DONSON: variants seen among roughly 807,000 people sequenced by gnomAD.
DONSON encodes DNA replication fork stabilization factor DONSON, also known as protein downstream neighbor of Son.
DONSON carries 43 observed loss-of-function variants against 62.1 expected under a neutral mutation model. That is an observed-to-expected ratio of 0.69 (90% CI 0.54 to 0.89). DONSON has a LOEUF of 0.89. DONSON is among the 40% of genes least tolerant of loss of function. The probability of loss-of-function intolerance (pLI) is 0.00; values close to 1 mark genes in which losing one functional copy is unlikely to be tolerated. For missense variants in DONSON, 696 were observed against 697.5 expected (o/e 1.00, Z 0.03); for synonymous variants, 266 against 264.6 (o/e 1.01, Z -0.05).
chr21:33,587,291 A>G (rs2086588406), intron 2 of DONSON: 1 of 918,620 alleles, frequency 1.1e-6, no homozygotes, highest in African/African-American at 1.8e-5. Flanking sequence ...TATCAGGCCT[A>G]TTTTAGCGCT....
Position 33,583,531 on chromosome 21 carries a change from T to G in DONSON, c.921A>C (p.Ile307=), listed in dbSNP as rs762575148. Reference sequence around the variant, plus strand: ...CTCTTAAACCTCGAGTTGTTGGAGATATGAGAGCTGTGATTAAGTCACTTC... The same window carrying G: ...CTCTTAAACCTCGAGTTGTTGGAGAGATGAGAGCTGTGATTAAGTCACTTC... ...LAGSDLITAL[I]SPTTRGLREA... is the part of the protein sequence containing the mutation. Residue 307 remains isoleucine, a synonymous_variant, in exon 5 of 10, where the codon ATA becomes ATC. Transcript: ENST00000303071. 2.5e-6 allele frequency: 4 copies of G among 1,613,906 alleles called. No individual in the cohort carries two copies. Among genetic ancestry groups the G allele is most frequent in the Non-Finnish European group, 2.5e-6 (3 of 1,179,986 alleles).
In DONSON at chr21:33,586,065, C is replaced by G. The variant is rs756689989; in HGVS notation, c.519G>C (p.Trp173Cys). Residue 173 changes from tryptophan (W) to cysteine (C), a missense_variant, in exon 3 of 10, where the codon TGG becomes TGC. Trp to Cys is a radical substitution (Grantham distance 215, BLOSUM62 -2). Coordinates refer to ENST00000303071, the MANE Select transcript of DONSON (RefSeq NM_017613.4). ...CTTCCTGTGCTTTCAAATGATCTGC[C>G]CAGGTAAAGGGTTGAGAAGAGGTGA... ...LLFTSSQPFT[W>C]ADHLKAQEEA... is the part of the protein sequence containing the mutation. 1.2e-6 allele frequency: 2 copies of G among 1,614,088 alleles called. No individual in the cohort carries two copies. Among genetic ancestry groups the G allele is most frequent in the Non-Finnish European group, 1.7e-6 (2 of 1,180,022 alleles).
rs1569072792 is a variant in DONSON at position 33,577,685 on chromosome 21, ACACACACACACACACACC to A, written c.*604_*621del. On this transcript the variant is annotated 3_prime_UTR_variant, in exon 10 of 10. Transcript: ENST00000303071. ...CACACACACACACACACACACACAC[ACACACACACACACACACC>A]CCTATAAGCACATTAAATACTACTT... 4.4e-5 allele frequency: 5 copies of A among 114,524 alleles called. No homozygotes were observed. The highest frequency in any genetic ancestry group is 5.2e-5 in the Non-Finnish European group (3 of 57,502). 7.1% of individuals were successfully genotyped at this position (114,524 alleles called of 1,614,324 possible). A position where few individuals can be genotyped will look rare whatever the true frequency, so the allele number is the denominator to read the frequency against.
intron 3 of DONSON, 34 bp from the exon 4 acceptor site, chr21:33,584,802 C>T (rs767920709): frequency 6.2e-6 from 9 of 1,443,118 alleles, no homozygotes; most frequent in Non-Finnish European, 8.3e-6. Context: ...GCAGTTTTTG[C>T]CCATTGAGAA....
intron 3 of DONSON, 66 bp downstream of exon 3, chr21:33,585,912 T>C (rs1385910046): frequency 6.8e-7 from 1 of 1,475,554 alleles, no homozygotes; most frequent in Admixed American, 1.7e-5. Context: ...TCTGCTATTT[T>C]GCAAAGGAGA....
rs185644674 is a variant in DONSON at position 33,577,911 on chromosome 21, T to C, written c.*396A>G. The C allele has an allele frequency of 6.4e-6, 1 of 156,010 alleles. No homozygotes were observed. The highest frequency in any genetic ancestry group is 1.9e-4 in the East Asian group (1 of 5,300). 9.7% of individuals were successfully genotyped at this position (156,010 alleles called of 1,614,324 possible). On this transcript the variant is annotated 3_prime_UTR_variant, in exon 10 of 10. Coordinates refer to ENST00000303071, the MANE Select transcript of DONSON (RefSeq NM_017613.4). ...CACCAATCAACTAGCTCAGTAGATG[T>C]TGTCTGTATTTATTTTCTACCTTTA... is the stretch of plus-strand genomic sequence containing the variant.
rs1601320290 is a variant in DONSON, at chr21:33,588,517, G to T, written c.125C>A (p.Pro42Gln). 8.0e-7 allele frequency: 1 copy of T among 1,252,642 alleles called. No homozygotes were observed. The highest frequency in any genetic ancestry group is 1.0e-6 in the Non-Finnish European group (1 of 999,102). 77.6% of individuals were successfully genotyped at this position (1,252,642 alleles called of 1,614,324 possible). ...AASPPRELTE[P>Q]AARRAALVAG... is the part of the protein sequence containing the mutation. ...CACCAGGGCGGCTCGGCGGGCCGCC[G>T]GCTCCGTCAGCTCACGGGGCGGGGA... The change falls in exon 1 of 10, where the codon CCG (proline) becomes CAG (glutamine). Residue 42 changes from proline (P) to glutamine (Q), a missense_variant. Coordinates refer to ENST00000303071, the MANE Select transcript of DONSON (RefSeq NM_017613.4).
At position 33,588,445 on chromosome 21, in the gene DONSON, C is replaced by G; in HGVS notation, c.197G>C (p.Gly66Ala). 1 of 1,306,142 alleles carries G rather than the reference C, an allele frequency of 7.7e-7. No homozygotes were observed. The highest frequency in any genetic ancestry group is 9.7e-7 in the Non-Finnish European group (1 of 1,028,366). 80.9% of individuals were successfully genotyped at this position (1,306,142 alleles called of 1,614,324 possible). A position where few individuals can be genotyped will look rare whatever the true frequency, so the allele number is the denominator to read the frequency against. ...AGCGGCCGGGCCGCCGCCGCTGCCA[C>G]CGCCTCTGCCCCCCGCAGCAGGGAA... ...RPFPAAGGRG[G>A]GSGGGPAAAR... The change falls in exon 1 of 10, where the codon GGT becomes GCT. Residue 66 changes from glycine (G) to alanine (A), a missense_variant. By Grantham distance (60) the Gly-to-Ala change is moderately conservative. Coordinates refer to ENST00000303071, the MANE Select transcript of DONSON (RefSeq NM_017613.4).
In DONSON at chr21:33,582,927, C is replaced by T. The variant is rs186592631; in HGVS notation, c.964+561G>A. 9.2e-5 allele frequency among the ~76,000 whole-genome samples: 14 copies of T among 152,000 alleles called. No individual in the cohort carries two copies. The East Asian group carries it at 2.7e-3, about 30-fold the overall frequency. ...TATAAGAATGATGATCTTGTCCGGG[C>T]GCGGTGGCTCACGCCTGTAAGCCCA... On this transcript the variant is annotated intron_variant, in intron 5 of 9. Coordinates refer to ENST00000303071, the MANE Select transcript of DONSON (RefSeq NM_017613.4).
rs1052340666 is a variant in DONSON at position 33,577,753 on chromosome 21, A to G, written c.*554T>C. On this transcript the variant is annotated 3_prime_UTR_variant, in exon 10 of 10. Transcript: ENST00000303071. ...TTGCCGTGACAGCTCAGTGTACTTC[A>G]CAATTCTTAACACTATTCTATGTGG... is the stretch of plus-strand genomic sequence containing the variant. 5.2e-5 allele frequency: 8 copies of G among 152,640 alleles called. No individual in the cohort carries two copies. Among genetic ancestry groups the G allele is most frequent in the South Asian group, 2.1e-4 (1 of 4,868 alleles). 9.5% of individuals were successfully genotyped at this position (152,640 alleles called of 1,614,324 possible).
At chr21:33,583,717 G>A in intron 4 of DONSON, 51 bp from the exon 5 acceptor site, 1 of 1,373,964 alleles carries the variant, frequency 7.3e-7, no homozygotes, top group Non-Finnish European at 1.0e-6. Flanking sequence ...TTAATGCAAT[G>A]TTTATAATTC....
chr21:33,585,150 AATCT>A (rs1360481052), intron 3 of DONSON, among the ~76,000 whole-genome samples: 3 of 152,158 alleles, frequency 2.0e-5, no homozygotes, highest in African/African-American at 4.8e-5. Flanking sequence ...AAATCATCCT[AATCT>A]ATTTATTGAA....
rs1348061687 is a variant in DONSON, at chr21:33,588,427, G to A, written c.215C>T (p.Pro72Leu). 1.5e-6 allele frequency: 2 copies of A among 1,308,376 alleles called. No individual in the cohort carries two copies. The highest frequency in any genetic ancestry group is 2.3e-5 in the South Asian group (1 of 44,072). 81.0% of individuals were successfully genotyped at this position (1,308,376 alleles called of 1,614,324 possible). A position where few individuals can be genotyped will look rare whatever the true frequency, so the allele number is the denominator to read the frequency against. Residue 72 changes from proline to leucine, a missense_variant, in exon 1 of 10, where the codon CCG becomes CTG. Transcript: ENST00000303071. Reference sequence around the variant, plus strand: ...GAAGGGGTTCCTCCGAGCAGCGGCCGGGCCGCCGCCGCTGCCACCGCCTCT... The same window carrying A: ...GAAGGGGTTCCTCCGAGCAGCGGCCAGGCCGCCGCCGCTGCCACCGCCTCT... The part of the protein sequence containing the change: ...GGRGGGSGGG[P>L]AAARRNPFAR...
chr21:33,581,645 CAT>C (rs1278552418), intron 7 of DONSON, 145 bp from the exon 8 acceptor site: 26 of 736,638 alleles, frequency 3.5e-5, no homozygotes, highest in South Asian at 2.4e-4. Flanking sequence ...AATCATAAGG[CAT>C]ATGTTTCAAT....
At chr21:33,581,136 TTGATA>T in intron 8 of DONSON, 161 bp downstream of exon 8, 1 of 576,240 alleles carries the variant, frequency 1.7e-6, no homozygotes, top group Non-Finnish European at 3.0e-6. Flanking sequence ...CATAATTTCT[TTGATA>T]TAACTGTCTT....
At chr21:33,579,828 A>G (rs1381232275) in intron 8 of DONSON, among the ~76,000 whole-genome samples, 1 of 152,212 alleles carries the variant, frequency 6.6e-6, no homozygotes, top group Non-Finnish European at 1.5e-5. Flanking sequence ...TGATTTAGTA[A>G]TACACTGTCA....
chr21:33,577,604 T>TACACACACACAC lies in DONSON; in HGVS notation c.*691_*702dup, dbSNP rs71194853. The TACACACACACAC allele has an allele frequency of 1.2e-5, 1 of 84,370 alleles. No homozygotes were observed. The highest frequency in any genetic ancestry group is 4.8e-5 in the African/African-American group (1 of 20,926). 5.2% of individuals were successfully genotyped at this position (84,370 alleles called of 1,614,324 possible). A position where few individuals can be genotyped will look rare whatever the true frequency, so the allele number is the denominator to read the frequency against. On this transcript the variant is annotated 3_prime_UTR_variant, in exon 10 of 10. Transcript: ENST00000303071. Reference sequence around the variant, plus strand: ...AAATGTGAATTATACAGTCCCCCCCTACACACACACACACACACACACACA... The same window carrying TACACACACACAC: ...AAATGTGAATTATACAGTCCCCCCCTACACACACACACACACACACACACACACACACACACA...
Position 33,588,201 on chromosome 21 carries a change from G to T in DONSON, c.321+120C>A, listed in dbSNP as rs1037751455. The T allele has an allele frequency of 9.3e-6, 8 of 861,324 alleles. No individual in the cohort carries two copies. In the African/African-American group the frequency reaches 1.2e-4, roughly 13 times the overall value. 53.4% of individuals were successfully genotyped at this position (861,324 alleles called of 1,614,324 possible). ...GCGGGGTACCCTAAGGCCACGGGCG[G>T]CCGAAGTCTTCGCGCCCATTTCCTT... On this transcript the variant is annotated intron_variant, in intron 1 of 9. Coordinates refer to ENST00000303071, the MANE Select transcript of DONSON (RefSeq NM_017613.4).
rs185178624 is a variant in DONSON, at chr21:33,578,115, A to T, written c.*192T>A. ...GGGATATAGATATCTCATTTGAGTT[A>T]TCTGAGTTTTTCATCTTTATATCTA... On this transcript the variant is annotated 3_prime_UTR_variant, in exon 10 of 10. Coordinates refer to ENST00000303071, the MANE Select transcript of DONSON (RefSeq NM_017613.4). 3.0e-4 allele frequency: 168 copies of T among 558,012 alleles called. 1 individual carries two copies. The Middle Eastern group carries it at 6.4e-3, about 21-fold the overall frequency. The allele number at this position is 558,012 out of a possible 1,614,324, so 34.6% of individuals were successfully genotyped here.
Sources: allele counts gnomAD v4.1 joint callset (sites outside exome capture counted in the v4.1 genomes callset), GRCh38; gene constraint gnomAD v4.1.1; transcripts MANE v1.5; gene names NCBI Gene and HGNC (gene_info 2026-07-23, HGNC 2026-07-21).